ST8SIA6: variants seen among roughly 807,000 people sequenced by gnomAD.
ST8SIA6 encodes alpha-2,8-sialyltransferase 8F.
ST8SIA6 carries 39 observed loss-of-function variants against 33.6 expected under a neutral mutation model. The observed-to-expected ratio is 1.16, with a 90% CI of 0.90 to 1.52. The LOEUF (loss-of-function observed/expected upper bound fraction) is 1.52. Ranked by LOEUF, ST8SIA6 falls within the 40% of genes most tolerant of loss-of-function variation. The pLI, the probability that ST8SIA6 is intolerant of heterozygous loss-of-function variation, is 0.00. For missense variants in ST8SIA6, 441 were observed against 443.8 expected (o/e 0.99, Z 0.06); for synonymous variants, 172 against 167.2 (o/e 1.03, Z -0.22).
In ST8SIA6 at chr10:17,404,487, A is replaced by T. The variant is rs75548660; in HGVS notation, c.201-13867T>A. Among the ~76,000 whole-genome samples, 671 of 152,240 alleles carry T rather than the reference A, an allele frequency of 4.4e-3. 4 individuals carry two copies. Among genetic ancestry groups the T allele is most frequent in the African/African-American group, 0.015 (641 of 41,526 alleles). ...CCCAGTTCTTTTTCAACAAGCCCTC[A>T]TCCTTGGACACAGCCTCAAGAGCTC... is the stretch of plus-strand genomic sequence containing the variant. On this transcript the variant is annotated intron_variant, in intron 2 of 7. Coordinates refer to ENST00000377602, the MANE Select transcript of ST8SIA6 (RefSeq NM_001004470.3).
intron 3 of ST8SIA6, among the ~76,000 whole-genome samples, chr10:17,360,656 A>G (rs1388279787): frequency 6.6e-6 from 1 of 152,078 alleles, no homozygotes; most frequent in Non-Finnish European, 1.5e-5. Context: ...TAAGAAAAAG[A>G]TGAACACTCT....
intron 2 of ST8SIA6, among the ~76,000 whole-genome samples, chr10:17,447,594 A>G (rs1852765165): frequency 6.6e-6 from 1 of 152,128 alleles, no homozygotes; most frequent in Non-Finnish European, 1.5e-5. Context: ...AGAACAAAGA[A>G]CTGAAGAAAT....
At chr10:17,330,751 A>G (rs1051213089) in intron 5 of ST8SIA6, among the ~76,000 whole-genome samples, 5 of 152,182 alleles carry the variant, frequency 3.3e-5, no homozygotes, top group Admixed American at 2.6e-4. Flanking sequence ...TTTATAAGCA[A>G]TGAGATGTTT....
chr10:17,381,059 T>C (rs995093198), intron 3 of ST8SIA6, among the ~76,000 whole-genome samples: 1 of 152,062 alleles, frequency 6.6e-6, no homozygotes, highest in South Asian at 2.1e-4. Context: ...TCTTCTCAGT[T>C]GAACGAGTTC....
At chr10:17,340,261 T>G (rs553348885) in intron 4 of ST8SIA6, among the ~76,000 whole-genome samples, 1 of 152,294 alleles carries the variant, frequency 6.6e-6, no homozygotes, top group African/African-American at 2.4e-5. Context: ...TCTGTTCCCC[T>G]GGTCACCTGC....
At chr10:17,428,618 T>TA (rs1852007660) in intron 2 of ST8SIA6, among the ~76,000 whole-genome samples, 1 of 151,688 alleles carries the variant, frequency 6.6e-6, no homozygotes, top group Non-Finnish European at 1.5e-5. Flanking sequence ...AGGGAGGAGC[T>TA]AAGCAGCCGG....
intron 2 of ST8SIA6, among the ~76,000 whole-genome samples, chr10:17,426,823 C>T (rs1851953363): frequency 6.6e-6 from 1 of 152,144 alleles, no homozygotes; most frequent in South Asian, 2.1e-4. Flanking sequence ...TGCACGGGGC[C>T]AGGCGCAGTG....
intron 3 of ST8SIA6, 141 bp downstream of exon 3, chr10:17,390,390 A>T (rs903860838): frequency 2.8e-5 from 19 of 676,200 alleles, no homozygotes. Context: ...CATCATGCTC[A>T]TTAACAGGAG....
At chr10:17,339,443 A>G (rs1210472601) in intron 4 of ST8SIA6, among the ~76,000 whole-genome samples, 2 of 152,238 alleles carry the variant, frequency 1.3e-5, no homozygotes, top group African/African-American at 2.4e-5. Flanking sequence ...TTCATTCTCC[A>G]TGATTCTAAT....
rs1342847960 is a variant in ST8SIA6 at position 17,321,210 on chromosome 10, C to T, written c.865G>A (p.Glu289Lys). The T allele has an allele frequency of 1.2e-6, 2 of 1,613,962 alleles. No individual in the cohort carries two copies. The highest frequency in any genetic ancestry group is 1.7e-6 in the Non-Finnish European group (2 of 1,179,988). ...TSFKVYYTLE[E>K]SKARQKVLFF... ...AGAACCTTTTGTCTTGCTTTAGACT[C>T]TTCGAGCGTGTAGTATACTTTGAAA... The change falls in exon 8 of 8, where the codon GAG becomes AAG. Residue 289 changes from glutamate to lysine, a missense_variant. By Grantham distance (56) the Glu-to-Lys change is moderately conservative. Transcript: ENST00000377602.
intron 6 of ST8SIA6, 46 bp downstream of exon 6, chr10:17,326,968 C>A: frequency 4.4e-6 from 6 of 1,351,758 alleles, no homozygotes; most frequent in South Asian, 1.3e-5. Flanking sequence ...CTCTGAAATA[C>A]CCAACTGATC....
At chr10:17,338,370 G>A (rs1437991577) in intron 4 of ST8SIA6, among the ~76,000 whole-genome samples, 1 of 152,202 alleles carries the variant, frequency 6.6e-6, no homozygotes, top group Non-Finnish European at 1.5e-5. Flanking sequence ...TTGGGGTTGA[G>A]AGAGGGTAAG....
At chr10:17,378,473 G>A (rs1281369918) in intron 3 of ST8SIA6, among the ~76,000 whole-genome samples, 2 of 152,148 alleles carry the variant, frequency 1.3e-5, no homozygotes, top group South Asian at 2.1e-4. Context: ...CACAGGGTCC[G>A]ATGGAGCAAA....
chr10:17,425,842 G>A (rs967543711), intron 2 of ST8SIA6, among the ~76,000 whole-genome samples: 7 of 152,098 alleles, frequency 4.6e-5, no homozygotes, highest in Non-Finnish European at 1.0e-4. Flanking sequence ...AGATACGGTG[G>A]TATAAGGCCT....
chr10:17,330,483 C>G (rs1046950051), intron 5 of ST8SIA6, among the ~76,000 whole-genome samples: 2 of 152,092 alleles, frequency 1.3e-5, no homozygotes, highest in African/African-American at 4.8e-5. Context: ...TATTTTTTCT[C>G]TATCATTTTC....
intron 3 of ST8SIA6, among the ~76,000 whole-genome samples, chr10:17,371,700 C>T (rs1473475128): frequency 6.1e-5 from 9 of 148,526 alleles, no homozygotes; most frequent in African/African-American, 2.2e-4. Context: ...ACAGGAGAAT[C>T]GCTTGAACCC....
At chr10:17,342,774 C>A (rs961244113) in intron 4 of ST8SIA6, among the ~76,000 whole-genome samples, 19 of 151,926 alleles carry the variant, frequency 1.3e-4, no homozygotes, top group Admixed American at 3.9e-4. Flanking sequence ...CATGGTGAGA[C>A]CCCCTCTCTA....
chr10:17,338,178 G>T (rs2131593828), intron 4 of ST8SIA6, among the ~76,000 whole-genome samples: 1 of 152,214 alleles, frequency 6.6e-6, no homozygotes, highest in East Asian at 1.9e-4. Flanking sequence ...GGGATTACAG[G>T]CATGTGCCAC....
At chr10:17,381,064 G>A (rs1186029701) in intron 3 of ST8SIA6, among the ~76,000 whole-genome samples, 3 of 150,958 alleles carry the variant, frequency 2.0e-5, no homozygotes, top group South Asian at 2.1e-4. Context: ...TCAGTTGAAC[G>A]AGTTCTGTCG....
Sources: allele counts gnomAD v4.1 joint callset (sites outside exome capture counted in the v4.1 genomes callset), GRCh38; gene constraint gnomAD v4.1.1; transcripts MANE v1.5; gene names NCBI Gene and HGNC (gene_info 2026-07-23, HGNC 2026-07-21).